Variants in SYT1 observed in about 807,000 individuals in gnomAD.
The protein encoded by SYT1 is synaptotagmin-1.
SYT1 carries 8 observed loss-of-function variants against 44.8 expected under a neutral mutation model. That is an observed-to-expected ratio of 0.18 (90% CI 0.10 to 0.32). The LOEUF (loss-of-function observed/expected upper bound fraction) is 0.32, where lower values mean the gene tolerates loss of function less well. Ranked by LOEUF, SYT1 falls within the 10% of genes least tolerant of loss-of-function variation. The pLI is 1.00. For synonymous variants in SYT1, 154 were observed against 188.8 expected, an observed-to-expected ratio of 0.82 and a Z score of 1.51; for missense variants, 286 against 509.3, an observed-to-expected ratio of 0.56 and a Z score of 4.22.
chr12:79,248,696 G>C (rs1259108966), intron 4 of SYT1, among the ~76,000 whole-genome samples: 1 of 152,086 alleles, frequency 6.6e-6, no homozygotes, highest in Non-Finnish European at 1.5e-5. Flanking sequence ...AATGCAAATA[G>C]GCAAGAAAGG....
intron 3 of SYT1, among the ~76,000 whole-genome samples, chr12:79,087,155 C>T (rs959657092): frequency 6.6e-6 from 1 of 152,104 alleles, no homozygotes; most frequent in African/African-American, 2.4e-5. Context: ...AATTAAGTTG[C>T]TGGCATTATG....
intron 5 of SYT1, 96 bp downstream of exon 5, chr12:79,286,067 T>G: frequency 1.5e-6 from 2 of 1,353,038 alleles, no homozygotes; most frequent in Non-Finnish European, 2.0e-6. Flanking sequence ...AAACAACTTC[T>G]GGACCCATAT....
intron 9 of SYT1, among the ~76,000 whole-genome samples, chr12:79,375,925 G>A (rs988477633): frequency 1.3e-5 from 2 of 152,118 alleles, no homozygotes; most frequent in African/African-American, 2.4e-5. Flanking sequence ...ATCCATGCTT[G>A]CTTCTTGCCT....
chr12:79,065,256 C>T (rs2137869487), intron 3 of SYT1, among the ~76,000 whole-genome samples: 1 of 152,216 alleles, frequency 6.6e-6, no homozygotes, highest in Middle Eastern at 3.4e-3. Flanking sequence ...TTATAGCACA[C>T]ACCTGTAGTC....
At chr12:79,089,688 T>A (rs1386075762) in intron 3 of SYT1, among the ~76,000 whole-genome samples, 1 of 151,944 alleles carries the variant, frequency 6.6e-6, no homozygotes, top group African/African-American at 2.4e-5. Flanking sequence ...ACCTCACATA[T>A]CCCAAAAATA....
chr12:79,064,979 A>G (rs765063085), intron 3 of SYT1, among the ~76,000 whole-genome samples: 10 of 147,988 alleles, frequency 6.8e-5, no homozygotes, highest in African/African-American at 2.3e-4. Flanking sequence ...AAAGAAAGAA[A>G]GAAAGAAAGA....
intron 1 of SYT1, among the ~76,000 whole-genome samples, chr12:78,937,646 G>A (rs930063527): frequency 5.3e-5 from 8 of 152,056 alleles, no homozygotes; most frequent in African/African-American, 1.9e-4. Flanking sequence ...CCTTCCAACT[G>A]AAGTTAAAAG....
intron 3 of SYT1, among the ~76,000 whole-genome samples, chr12:79,143,395 A>G (rs1210273460): frequency 1.3e-5 from 2 of 152,132 alleles, no homozygotes; most frequent in East Asian, 1.9e-4. Context: ...TATATCCTCA[A>G]CCATTTTGTT....
chr12:78,898,127 A>G (rs1195166633), intron 1 of SYT1, among the ~76,000 whole-genome samples: 2 of 151,886 alleles, frequency 1.3e-5, no homozygotes, highest in African/African-American at 4.8e-5. Context: ...CCCTTGCTAC[A>G]TAATAACTGT....
At chr12:79,184,993 C>T (rs563304477) in intron 3 of SYT1, among the ~76,000 whole-genome samples, 57 of 152,090 alleles carry the variant, frequency 3.7e-4, no homozygotes, top group African/African-American at 1.4e-3. Context: ...GTGTTCTTAC[C>T]GCAAGAGCAT....
chr12:79,128,835 T>G (rs1330229791), intron 3 of SYT1, among the ~76,000 whole-genome samples: 2 of 152,246 alleles, frequency 1.3e-5, no homozygotes, highest in African/African-American at 4.8e-5. Flanking sequence ...CTAACTTCTC[T>G]TCCTGTCAGT....
chr12:79,183,664 T>C (rs919894328), intron 3 of SYT1, among the ~76,000 whole-genome samples: 3 of 152,052 alleles, frequency 2.0e-5, no homozygotes, highest in African/African-American at 7.2e-5. Context: ...CCTCTTACCG[T>C]ATAGATGGTC....
At chr12:79,436,951 G>T (rs953939139) in intron 9 of SYT1, among the ~76,000 whole-genome samples, 1 of 152,196 alleles carries the variant, frequency 6.6e-6, no homozygotes, top group Non-Finnish European at 1.5e-5. Context: ...AGGAAGATTT[G>T]TCTGAAGGTT....
intron 9 of SYT1, among the ~76,000 whole-genome samples, chr12:79,373,177 T>C (rs192849062): frequency 2.8e-3 from 423 of 152,262 alleles, no homozygotes; most frequent in Non-Finnish European, 4.3e-3. Flanking sequence ...ATGAAAATGA[T>C]TGGGGGAGAG....
chr12:79,076,930 T>C (rs1465187309), intron 3 of SYT1, among the ~76,000 whole-genome samples: 1 of 152,182 alleles, frequency 6.6e-6, no homozygotes. Flanking sequence ...TTTACAGAGA[T>C]GTTTTTTAGC....
At chr12:78,936,438 C>T (rs1878062086) in intron 1 of SYT1, among the ~76,000 whole-genome samples, 1 of 152,078 alleles carries the variant, frequency 6.6e-6, no homozygotes, top group African/African-American at 2.4e-5. Context: ...TAAATCATTA[C>T]ATATGTGTTA....
At chr12:79,442,420 C>A (rs925164087) in intron 9 of SYT1, among the ~76,000 whole-genome samples, 4 of 151,990 alleles carry the variant, frequency 2.6e-5, no homozygotes, top group African/African-American at 7.2e-5. Context: ...GGTTTTACAT[C>A]TCTAGGCCTG....
chr12:79,332,569 T>A (rs938205244), intron 8 of SYT1, among the ~76,000 whole-genome samples: 1 of 152,126 alleles, frequency 6.6e-6, no homozygotes, highest in African/African-American at 2.4e-5. Flanking sequence ...GAACAGAAGA[T>A]CACCATCAAA....
At chr12:79,444,232 C>A (rs1443680562) in intron 10 of SYT1, 26 bp downstream of exon 10, 1 of 1,611,090 alleles carries the variant, frequency 6.2e-7, no homozygotes, top group East Asian at 2.2e-5. Flanking sequence ...ACTTTGTCTT[C>A]CCACTCAATT....
Sources: allele counts gnomAD v4.1 joint callset (sites outside exome capture counted in the v4.1 genomes callset), GRCh38; gene constraint gnomAD v4.1.1; transcripts MANE v1.5; gene names NCBI Gene and HGNC (gene_info 2026-07-23, HGNC 2026-07-21).